The following PCLO variants were observed in gnomAD, a reference collection of about 807,000 sequenced individuals.
PCLO encodes the protein piccolo presynaptic cytomatrix protein, also known as protein piccolo.
A neutral mutation model predicts 427.5 loss-of-function variants in PCLO; 82 were observed. The ratio of observed to expected loss-of-function variants is 0.19; its 90% CI spans 0.16 to 0.23. The LOEUF is 0.23. Among genes scored for constraint, PCLO ranks in the 10% least tolerant of loss-of-function variants. The pLI, the probability that PCLO is intolerant of heterozygous loss-of-function variation, is 1.00. For synonymous variants in PCLO, 2,357 were observed against 2,155.4 expected, an observed-to-expected ratio of 1.09 and a Z score of -2.59; for missense variants, 6,239 against 6,115.9, an observed-to-expected ratio of 1.02 and a Z score of -0.67.
chr7:82,833,451 C>A (rs1260573192), intron 16 of PCLO, among the ~76,000 whole-genome samples: 1 of 152,124 alleles, frequency 6.6e-6, no homozygotes, highest in Non-Finnish European at 1.5e-5. Flanking sequence ...CATTCTCTCA[C>A]CTTATCTTGC....
intron 3 of PCLO, among the ~76,000 whole-genome samples, chr7:83,047,905 C>T (rs771302669): frequency 3.4e-4 from 51 of 152,104 alleles, no homozygotes; most frequent in Non-Finnish European, 4.7e-4. Context: ...CACACCCCCA[C>T]ACCCACCTCA....
At chr7:82,996,572 C>T (rs1191068441) in intron 3 of PCLO, among the ~76,000 whole-genome samples, 1 of 151,974 alleles carries the variant, frequency 6.6e-6, no homozygotes, top group Non-Finnish European at 1.5e-5. Flanking sequence ...TATTGCTCCT[C>T]CTTCCTTATG....
chr7:82,820,099 A>G (rs1192363727), intron 20 of PCLO, among the ~76,000 whole-genome samples: 1 of 152,146 alleles, frequency 6.6e-6, no homozygotes, highest in Non-Finnish European at 1.5e-5. Context: ...GAACAGAGCT[A>G]TGAGTTGAAG....
chr7:82,858,123 G>T (rs1331299072), intron 10 of PCLO, among the ~76,000 whole-genome samples: 1 of 152,014 alleles, frequency 6.6e-6, no homozygotes, highest in Non-Finnish European at 1.5e-5. Flanking sequence ...CATCCACCAT[G>T]ATCAAGTGGG....
At chr7:83,077,893 T>C (rs1210382948) in intron 3 of PCLO, among the ~76,000 whole-genome samples, 1 of 152,082 alleles carries the variant, frequency 6.6e-6, no homozygotes, top group African/African-American at 2.4e-5. Context: ...CAGGTAAGTC[T>C]AAAAATGCAG....
intron 3 of PCLO, among the ~76,000 whole-genome samples, chr7:83,021,101 C>G (rs1280108666): frequency 6.6e-6 from 1 of 152,188 alleles, no homozygotes; most frequent in Non-Finnish European, 1.5e-5. Context: ...TTTCCACATC[C>G]TGATGATTTT....
At chr7:82,968,125 A>T (rs1030048056) in intron 3 of PCLO, among the ~76,000 whole-genome samples, 2 of 152,376 alleles carry the variant, frequency 1.3e-5, no homozygotes, top group South Asian at 4.1e-4. Flanking sequence ...GTAAGCCATT[A>T]TAATTCTTAT....
At chr7:82,934,532 T>G (rs762421856) in intron 6 of PCLO, among the ~76,000 whole-genome samples, 61 of 151,988 alleles carry the variant, frequency 4.0e-4, no homozygotes, top group Non-Finnish European at 8.8e-4. Flanking sequence ...ATAATTGCTT[T>G]CTTAAATTTA....
intron 3 of PCLO, among the ~76,000 whole-genome samples, chr7:83,003,223 A>T (rs1328584157): frequency 6.6e-6 from 1 of 151,406 alleles, no homozygotes; most frequent in African/African-American, 2.4e-5. Context: ...TCAAATATAT[A>T]TTATTTTATG....
intron 9 of PCLO, among the ~76,000 whole-genome samples, chr7:82,896,719 A>G (rs983200002): frequency 1.3e-5 from 2 of 150,362 alleles, no homozygotes; most frequent in Admixed American, 1.3e-4. Context: ...ACTACTGCCA[A>G]CTAGGATCCA....
At chr7:82,868,279 G>A (rs568228400) in intron 10 of PCLO, 10 of 452,974 alleles carry the variant, frequency 2.2e-5, no homozygotes, top group African/African-American at 6.0e-5. Context: ...GCTGGAGTGC[G>A]TCCTCTGTCC....
chr7:82,974,740 C>T lies in PCLO; in HGVS notation c.3301-8253G>A, dbSNP rs144758454. Among the ~76,000 whole-genome samples, 453 of 152,130 alleles carry T rather than the reference C, an allele frequency of 3.0e-3. 2 individuals carry two copies. The highest frequency in any genetic ancestry group is 0.01 in the African/African-American group (435 of 41,498). ...TTTAAAATGTAATCAGTTCTCATCCCTCTGCTCTTATAGAGGTGTATTTTG... is the reference window on the plus strand; with the variant it reads ...TTTAAAATGTAATCAGTTCTCATCCTTCTGCTCTTATAGAGGTGTATTTTG... On this transcript the variant is annotated intron_variant, in intron 3 of 24. Coordinates refer to ENST00000333891, the MANE Select transcript of PCLO (RefSeq NM_033026.6).
chr7:82,857,056 C>T (rs567941486), intron 10 of PCLO, among the ~76,000 whole-genome samples: 1 of 152,234 alleles, frequency 6.6e-6, no homozygotes, highest in African/African-American at 2.4e-5. Context: ...AAGGTCCTCT[C>T]AAGATGCCAG....
In PCLO at chr7:83,155,218, C is replaced by G; in HGVS notation, c.1423G>C (p.Gly475Arg). 6.2e-7 allele frequency: 1 copy of G among 1,613,448 alleles called. No individual in the cohort carries two copies. Among genetic ancestry groups the G allele is most frequent in the Non-Finnish European group, 8.5e-7 (1 of 1,179,772 alleles). Residue 475 changes from glycine to arginine, a missense_variant, in exon 2 of 25, where the codon GGC becomes CGC. Coordinates refer to ENST00000333891, the MANE Select transcript of PCLO (RefSeq NM_033026.6). ...TGTTGAGGTGGGGGCTTTGCTGGGC[C>G]AGGCAGTTGTGAAGGAGGCTTTGTT... Reference protein sequence around the residue: ...GPTKPPSQLPGPAKPPPQQPG... With the variant: ...GPTKPPSQLPRPAKPPPQQPG...
chr7:82,894,854 T>G (rs1183543671), intron 9 of PCLO, among the ~76,000 whole-genome samples: 1 of 152,020 alleles, frequency 6.6e-6, no homozygotes, highest in Non-Finnish European at 1.5e-5. Context: ...ATAGATTTAA[T>G]AAGTTCTCAA....
chr7:83,078,669 C>T (rs1432018810), intron 3 of PCLO, among the ~76,000 whole-genome samples: 2 of 151,842 alleles, frequency 1.3e-5, no homozygotes, highest in South Asian at 2.1e-4. Flanking sequence ...GTAGCTGGGA[C>T]TACAGGTGCA....
In PCLO at chr7:82,952,826, A is replaced by G. The variant is rs1271972687; in HGVS notation, c.8127T>C (p.His2709=). 1 of 1,613,832 alleles carries G rather than the reference A, an allele frequency of 6.2e-7. No homozygotes were observed. Among genetic ancestry groups the G allele is most frequent in the African/African-American group, 1.3e-5 (1 of 75,044 alleles). The change falls in exon 5 of 25, where the codon CAT becomes CAC. Residue 2709 remains histidine (H), a synonymous_variant. Transcript: ENST00000333891. ...PPEPLALDNI[H]LEKPQYKEDG... ...CTTCTTTATACTGAGGCTTCTCTAA[A>G]TGTATGTTATCTAGAGCAAGAGGCT...
chr7:83,094,450 G>A (rs902745975), intron 3 of PCLO, among the ~76,000 whole-genome samples: 52 of 152,038 alleles, frequency 3.4e-4, no homozygotes, highest in African/African-American at 1.2e-3. Flanking sequence ...CTCGTGATCC[G>A]CCTGCCTCGG....
chr7:82,896,930 T>C (rs1039493405), intron 9 of PCLO, among the ~76,000 whole-genome samples: 4 of 151,720 alleles, frequency 2.6e-5, no homozygotes, highest in Admixed American at 2.0e-4. Flanking sequence ...GAACTGTACA[T>C]AGCAAATGCC....
Sources: allele counts gnomAD v4.1 joint callset (sites outside exome capture counted in the v4.1 genomes callset), GRCh38; gene constraint gnomAD v4.1.1; transcripts MANE v1.5; gene names NCBI Gene and HGNC (gene_info 2026-07-23, HGNC 2026-07-21).